ATP6V1B1: variants seen among roughly 807,000 people sequenced by gnomAD.
The protein encoded by ATP6V1B1 is V-type proton ATPase subunit B, kidney isoform.
ATP6V1B1 carries 41 observed loss-of-function variants against 62.1 expected under a neutral mutation model. The observed-to-expected ratio is 0.66, with a 90% CI of 0.51 to 0.86. The LOEUF (loss-of-function observed/expected upper bound fraction) is 0.86, where lower values mean the gene tolerates loss of function less well. Among genes scored for constraint, ATP6V1B1 ranks in the 40% least tolerant of loss-of-function variants. The pLI is 0.00. For missense variants in ATP6V1B1, 651 were observed against 697.5 expected (o/e 0.93, Z 0.75); for synonymous variants, 253 against 273.4 (o/e 0.93, Z 0.74).
In ATP6V1B1 at chr2:70,964,877, C is replaced by T. The variant is rs1189975086; in HGVS notation, c.1378+12C>T. ...CTTCATCAATCAGGGTAAGGCGCGT[C>T]GCTGGTGTGGAGCCAGTAACCTCTT... On this transcript the variant is annotated intron_variant, in intron 13 of 13. Coordinates refer to ENST00000234396, the MANE Select transcript of ATP6V1B1 (RefSeq NM_001692.4). The T allele has an allele frequency of 6.2e-7, 1 of 1,613,946 alleles. No individual in the cohort carries two copies. The highest frequency in any genetic ancestry group is 1.3e-5 in the African/African-American group (1 of 74,928).
intron 1 of ATP6V1B1, among the ~76,000 whole-genome samples, chr2:70,939,033 T>A (rs1219836370): frequency 2.6e-5 from 4 of 152,232 alleles, no homozygotes; most frequent in African/African-American, 7.2e-5. Flanking sequence ...CTCCCTCCTC[T>A]AATCCCTCCA....
chr2:70,955,160 T>TTTTGG (rs1205307529), intron 2 of ATP6V1B1, among the ~76,000 whole-genome samples: 3 of 152,038 alleles, frequency 2.0e-5, no homozygotes, highest in Admixed American at 6.6e-5. Context: ...TTGGTTTGGT[T>TTTTGG]TTTGGTTTGG....
rs541114582 is a variant in ATP6V1B1, at chr2:70,936,146, C to T, written c.118+74C>T. On this transcript the variant is annotated intron_variant, in intron 1 of 13. Coordinates refer to ENST00000234396, the MANE Select transcript of ATP6V1B1 (RefSeq NM_001692.4). ...GGTGGGCTGCCAGGTTCCCGGGCCC[C>T]GCTTCTTGCCTCAGAAAAGGAGGAG... is the stretch of plus-strand genomic sequence containing the variant. 167 of 1,471,850 alleles carry T rather than the reference C, an allele frequency of 1.1e-4. No homozygotes were observed. The African/African-American group carries it at 1.7e-3, about 15-fold the overall frequency. 91.2% of individuals were successfully genotyped at this position (1,471,850 alleles called of 1,614,324 possible).
rs1324965947 is a variant in ATP6V1B1 at position 70,959,186 on chromosome 2, A to C, written c.445+91A>C. 2.1e-6 allele frequency: 3 copies of C among 1,404,474 alleles called. No individual in the cohort carries two copies. Among genetic ancestry groups the C allele is most frequent in the Non-Finnish European group, 3.0e-6 (3 of 997,464 alleles). The allele number at this position is 1,404,474 out of a possible 1,614,324, so 87.0% of individuals were successfully genotyped here. A position where few individuals can be genotyped will look rare whatever the true frequency, so the allele number is the denominator to read the frequency against. ...TTCTGCCCAGACTCACAAGCAGATC[A>C]GATGTGATGGGAGAGCAGCAAAGGC... On this transcript the variant is annotated intron_variant, in intron 5 of 13. Transcript: ENST00000234396. The surrounding 1 kb of genome is among the most constrained non-coding windows in gnomAD (Gnocchi z 4.2).
Position 70,943,695 on chromosome 2 carries a change from G to A in ATP6V1B1, c.156G>A (p.Val52=). The change falls in exon 2 of 14, where the codon GTG becomes GTA. Residue 52 remains valine, a synonymous_variant. Coordinates refer to ENST00000234396, the MANE Select transcript of ATP6V1B1 (RefSeq NM_001692.4). ...TGTGCAGCGTGAACGGGCCCCTGGT[G>A]GTGCTGGACCGGGTCAAGGTAAGAC... ...RTVCSVNGPL[V]VLDRVKFAQY... 6.2e-7 allele frequency: 1 copy of A among 1,613,810 alleles called. No individual in the cohort carries two copies. Among genetic ancestry groups the A allele is most frequent in the Non-Finnish European group, 8.5e-7 (1 of 1,179,956 alleles).
chr2:70,940,366 C>A, intron 1 of ATP6V1B1: 1 of 985,212 alleles, frequency 1.0e-6, no homozygotes, highest in Non-Finnish European at 1.2e-6. Flanking sequence ...CCAGCCCACC[C>A]ACCCTGCATC....
At chr2:70,941,773 G>A (rs552222737) in intron 1 of ATP6V1B1, 5 of 985,786 alleles carry the variant, frequency 5.1e-6, no homozygotes, top group Non-Finnish European at 4.8e-6. Context: ...TGGAGAGCCA[G>A]GCCAAACCTC....
Position 70,964,223 on chromosome 2 carries a change from A to G in ATP6V1B1, c.1144-215A>G, listed in dbSNP as rs1168073467. The G allele has an allele frequency of 2.6e-5, 15 of 569,470 alleles. No homozygotes were observed. In the East Asian group the frequency reaches 4.5e-4, roughly 17 times the overall value. 35.3% of individuals were successfully genotyped at this position (569,470 alleles called of 1,614,324 possible). A position where few individuals can be genotyped will look rare whatever the true frequency, so the allele number is the denominator to read the frequency against. On this transcript the variant is annotated intron_variant, in intron 11 of 13. Coordinates refer to ENST00000234396, the MANE Select transcript of ATP6V1B1 (RefSeq NM_001692.4). ...ACTGAGCCTTTTATTAACTAATGCC[A>G]TGTCATCTTCCCCCTCCACTGTTCT...
rs782650421 is a variant in ATP6V1B1, at chr2:70,963,591, A to C, written c.1080A>C (p.Pro360=). The part of the protein sequence containing the change: ...MPNDDITHPI[P]DLTGFITEGQ... ...TTGTAGATATCACCCACCCTATCCC[A>C]GACTTGACGGGCTTCATCACAGAGG... The change falls in exon 11 of 14, where the codon CCA becomes CCC. Residue 360 remains proline (P), a synonymous_variant. Transcript: ENST00000234396. The surrounding 1 kb of genome is among the most constrained non-coding windows in gnomAD (Gnocchi z 4.3). 5.0e-6 allele frequency: 8 copies of C among 1,614,050 alleles called. No homozygotes were observed. The African/African-American group carries it at 1.1e-4, about 22-fold the overall frequency.
intron 2 of ATP6V1B1, among the ~76,000 whole-genome samples, chr2:70,946,857 A>G (rs1553417446): frequency 6.6e-6 from 1 of 152,146 alleles, no homozygotes; most frequent in East Asian, 1.9e-4. Flanking sequence ...CCGATCTAGG[A>G]AACCAGAACT....
chr2:70,948,969 A>C (rs113892679), intron 2 of ATP6V1B1, among the ~76,000 whole-genome samples: 141 of 152,314 alleles, frequency 9.3e-4, no homozygotes, highest in African/African-American at 3.3e-3. Flanking sequence ...CCAGTAGGTG[A>C]TATAACGATA....
intron 2 of ATP6V1B1, chr2:70,947,401 A>G (rs547227063): frequency 1.7e-4 from 26 of 152,240 alleles, no homozygotes; most frequent in Admixed American, 1.2e-3. Context: ...AAGAATGTAC[A>G]TTTCTATCAA....
chr2:70,960,808 T>A, intron 6 of ATP6V1B1, 113 bp from the exon 7 acceptor site: 1 of 497,572 alleles, frequency 2.0e-6, no homozygotes. Context: ...GGCAGCCCCC[T>A]CACCTCTCTG....
intron 2 of ATP6V1B1, among the ~76,000 whole-genome samples, chr2:70,957,289 G>C (rs998425290): frequency 6.6e-6 from 1 of 150,620 alleles, no homozygotes; most frequent in African/African-American, 2.4e-5. Context: ...CAGTAGAAAC[G>C]GGGTTTCACC....
At chr2:70,944,077 T>C (rs1214123082) in intron 2 of ATP6V1B1, 1 of 1,288,188 alleles carries the variant, frequency 7.8e-7, no homozygotes, top group Non-Finnish European at 1.0e-6. Context: ...CCTAACCTCC[T>C]CGAGGGCTAG....
At chr2:70,961,949 T>C in intron 8 of ATP6V1B1, 1 of 547,750 alleles carries the variant, frequency 1.8e-6, no homozygotes, top group Non-Finnish European at 3.3e-6. Context: ...CCAGCCACCA[T>C]TCCAACTCAG....
chr2:70,963,547 C>T lies in ATP6V1B1; in HGVS notation c.1061-25C>T. ...TTGGAGACCTGGGCCCCCACCCACACTGAGGCCAGTGAGTTTTCTTGTAGA... is the reference window on the plus strand; with the variant it reads ...TTGGAGACCTGGGCCCCCACCCACATTGAGGCCAGTGAGTTTTCTTGTAGA... On this transcript the variant is annotated intron_variant, in intron 10 of 13. Coordinates refer to ENST00000234396, the MANE Select transcript of ATP6V1B1 (RefSeq NM_001692.4). This position sits in a 1 kb window ranked among gnomAD's most constrained non-coding sequence, Gnocchi z 4.3. 6.2e-7 allele frequency: 1 copy of T among 1,610,754 alleles called. No individual in the cohort carries two copies. The highest frequency in any genetic ancestry group is 8.5e-7 in the Non-Finnish European group (1 of 1,176,904).
chr2:70,958,483 T>C, intron 4 of ATP6V1B1, 57 bp downstream of exon 4: 2 of 1,519,520 alleles, frequency 1.3e-6, no homozygotes, highest in Non-Finnish European at 1.8e-6. Context: ...CAGCCCAGCT[T>C]CTCTGACCAA....
In ATP6V1B1 at chr2:70,961,470, G is replaced by C. The variant is rs1472080594; in HGVS notation, c.688-126G>C. Reference sequence around the variant, plus strand: ...GCCCCGGGGTCACCCCATGGCCTTGGTGTCTTCACCCCCAGCGACTGGTAG... The same window carrying C: ...GCCCCGGGGTCACCCCATGGCCTTGCTGTCTTCACCCCCAGCGACTGGTAG... On this transcript the variant is annotated intron_variant, in intron 7 of 13. Coordinates refer to ENST00000234396, the MANE Select transcript of ATP6V1B1 (RefSeq NM_001692.4). 6.1e-6 allele frequency: 6 copies of C among 985,628 alleles called. No homozygotes were observed. In the Middle Eastern group the frequency reaches 6.2e-4, roughly 102 times the overall value. 61.1% of individuals were successfully genotyped at this position (985,628 alleles called of 1,614,324 possible).
Sources: allele counts gnomAD v4.1 joint callset (sites outside exome capture counted in the v4.1 genomes callset), GRCh38; gene constraint gnomAD v4.1.1; non-coding constraint Gnocchi (gnomAD v3.1); transcripts MANE v1.5; gene names NCBI Gene and HGNC (gene_info 2026-07-23, HGNC 2026-07-21).